The following CLEC16A variants were observed in gnomAD, a reference collection of about 807,000 sequenced individuals.
CLEC16A encodes protein CLEC16A.
CLEC16A carries 51 observed loss-of-function variants against 109.5 expected under a neutral mutation model. The observed-to-expected ratio is 0.47, with a 90% confidence interval of 0.37 to 0.59. CLEC16A has a LOEUF of 0.59. Among genes scored for constraint, CLEC16A ranks in the 20% least tolerant of loss-of-function variants. CLEC16A has a pLI of 0.00. For missense variants in CLEC16A, 1,339 were observed against 1,394.0 expected, an observed-to-expected ratio of 0.96 and a Z score of 0.63; for synonymous variants, 673 against 564.2, an observed-to-expected ratio of 1.19 and a Z score of -2.73.
intron 11 of CLEC16A, among the ~76,000 whole-genome samples, chr16:11,010,949 C>T (rs1477858127): frequency 6.6e-6 from 1 of 152,166 alleles, no homozygotes; most frequent in African/African-American, 2.4e-5. Flanking sequence ...TGAGATTATG[C>T]GTTCTTGGCT....
intron 22 of CLEC16A, chr16:11,157,059 A>AT (rs1474601759): frequency 7.7e-7 from 1 of 1,302,388 alleles, no homozygotes; most frequent in Non-Finnish European, 1.0e-6. Flanking sequence ...CTGAAAGACC[A>AT]TTTTTTCTTT....
chr16:11,160,224 G>C (rs1393077895), intron 22 of CLEC16A, among the ~76,000 whole-genome samples: 2 of 152,158 alleles, frequency 1.3e-5, no homozygotes, highest in African/African-American at 4.8e-5. Flanking sequence ...ACAGAGGTCG[G>C]GGGGCGTCCC....
intron 2 of CLEC16A, among the ~76,000 whole-genome samples, chr16:10,959,932 T>C (rs1810086955): frequency 6.6e-6 from 1 of 152,084 alleles, no homozygotes; most frequent in African/African-American, 2.4e-5. Context: ...CGTGTCATTC[T>C]AGGTCCCAAG....
chr16:11,023,756 G>A (rs1323898567), intron 12 of CLEC16A, among the ~76,000 whole-genome samples: 1 of 152,166 alleles, frequency 6.6e-6, no homozygotes, highest in East Asian at 1.9e-4. Context: ...GGCATCCAAT[G>A]TTCATTGGAG....
In CLEC16A at chr16:11,042,285, G is replaced by C. The variant is rs1266445826; in HGVS notation, c.1692G>C (p.Leu564=). Residue 564 remains leucine, a synonymous_variant, in exon 15 of 24, where the codon CTG becomes CTC. Coordinates refer to ENST00000409790, the MANE Select transcript of CLEC16A (RefSeq NM_015226.3). Reference sequence around the variant, plus strand: ...AGATCCGGCTGGCGACGCTGGAGCTGAGCTGCCTGCTTCTGAAGCAGCAAG... The same window carrying C: ...AGATCCGGCTGGCGACGCTGGAGCTCAGCTGCCTGCTTCTGAAGCAGCAAG... ...DGKIRLATLE[L]SCLLLKQQVL... The C allele has an allele frequency of 1.3e-6, 2 of 1,588,942 alleles. No individual in the cohort carries two copies. Among genetic ancestry groups the C allele is most frequent in the Non-Finnish European group, 1.7e-6 (2 of 1,168,074 alleles).
At chr16:11,171,312 C>G (rs950752837) in intron 23 of CLEC16A, among the ~76,000 whole-genome samples, 3 of 152,218 alleles carry the variant, frequency 2.0e-5, no homozygotes, top group Non-Finnish European at 4.4e-5. Flanking sequence ...CCTTCGCACG[C>G]CAGAGGCAGA....
rs78145359 is a variant in CLEC16A at position 11,051,267 on chromosome 16, A to G, written c.1867-246A>G. Among the ~76,000 whole-genome samples, 11 of 152,336 alleles carry G rather than the reference A, an allele frequency of 7.2e-5. No homozygotes were observed. The East Asian group carries it at 2.1e-3, about 29-fold the overall frequency. ...GCAAGCTTTTCACAGCAAGGATGCAACTTCTCAAGAGTCTGAGCTGCTGCT... is the reference window on the plus strand; with the variant it reads ...GCAAGCTTTTCACAGCAAGGATGCAGCTTCTCAAGAGTCTGAGCTGCTGCT... On this transcript the variant is annotated intron_variant, in intron 17 of 23. Transcript: ENST00000409790.
At chr16:11,099,129 G>T (rs1011012357) in intron 19 of CLEC16A, among the ~76,000 whole-genome samples, 1 of 152,054 alleles carries the variant, frequency 6.6e-6, no homozygotes, top group African/African-American at 2.4e-5. Context: ...TGGCCAGAGC[G>T]CCCCATTCCT....
chr16:11,165,063 T>C (rs192321754), intron 22 of CLEC16A, among the ~76,000 whole-genome samples: 115 of 152,278 alleles, frequency 7.6e-4, no homozygotes, highest in African/African-American at 2.6e-3. Flanking sequence ...TTGGGGCTGC[T>C]TCTGTGCCAC....
chr16:11,065,085 A>G (rs557865970), intron 19 of CLEC16A, among the ~76,000 whole-genome samples: 38 of 152,326 alleles, frequency 2.5e-4, no homozygotes, highest in African/African-American at 8.2e-4. Flanking sequence ...CTTTGGCCAG[A>G]GGAAGGGAGC....
rs1282822729 is a variant in CLEC16A at position 11,109,166 on chromosome 16, TGA to T, written c.2117-11448_2117-11447del. 4.4e-5 allele frequency among the ~76,000 whole-genome samples: 6 copies of T among 135,822 alleles called. No individual in the cohort carries two copies. The South Asian group carries it at 1.3e-3, about 29-fold the overall frequency. 89.1% of individuals were successfully genotyped at this position (135,822 alleles called of 152,430 possible). The stretch of plus-strand genomic sequence containing the variant: ...CAGGGGCCTTGATTCAAAACAGCCC[TGA>T]CTTTTTTTTTTTTATTAGATGGAGT... On this transcript the variant is annotated intron_variant, in intron 19 of 23. Coordinates refer to ENST00000409790, the MANE Select transcript of CLEC16A (RefSeq NM_015226.3).
At chr16:11,119,306 A>G (rs559560848) in intron 19 of CLEC16A, among the ~76,000 whole-genome samples, 21 of 151,978 alleles carry the variant, frequency 1.4e-4, no homozygotes, top group African/African-American at 4.1e-4. Flanking sequence ...CCCAGCCTAT[A>G]TGTCTATTTT....
intron 22 of CLEC16A, chr16:11,157,003 A>G: frequency 8.1e-7 from 1 of 1,230,306 alleles, no homozygotes. Flanking sequence ...CCGACAGCAA[A>G]AACATTTCTA....
At chr16:11,166,705 C>T (rs1012229880) in intron 23 of CLEC16A, among the ~76,000 whole-genome samples, 153 bp downstream of exon 23, 1 of 152,200 alleles carries the variant, frequency 6.6e-6, no homozygotes, top group African/African-American at 2.4e-5. Context: ...TCTAGAGATT[C>T]CTCTAACTTG....
chr16:10,970,927 T>C (rs900009203), intron 4 of CLEC16A, among the ~76,000 whole-genome samples, 198 bp from the exon 5 acceptor site: 9 of 147,186 alleles, frequency 6.1e-5, no homozygotes, highest in African/African-American at 2.3e-4. Context: ...CTCTTCTGTT[T>C]CTTCCATGGC....
intron 19 of CLEC16A, 133 bp from the exon 20 acceptor site, chr16:11,120,482 G>T: frequency 1.1e-6 from 1 of 887,772 alleles, no homozygotes. Flanking sequence ...CTCAGACCTA[G>T]GTCTGTGTGA....
chr16:10,979,867 G>A (rs2146632621), intron 9 of CLEC16A, among the ~76,000 whole-genome samples: 1 of 152,282 alleles, frequency 6.6e-6, no homozygotes. Context: ...AAGGAATCTT[G>A]TAGCAACCTT....
chr16:11,122,681 C>CTT (rs1203117474), intron 20 of CLEC16A, among the ~76,000 whole-genome samples: 1 of 152,152 alleles, frequency 6.6e-6, no homozygotes, highest in African/African-American at 2.4e-5. Flanking sequence ...TTGTCCCCAC[C>CTT]TCCTTTAACA....
chr16:10,998,813 G>A (rs1400277198), intron 10 of CLEC16A, among the ~76,000 whole-genome samples: 2 of 152,094 alleles, frequency 1.3e-5, no homozygotes, highest in Non-Finnish European at 2.9e-5. Flanking sequence ...GCACAGTGGC[G>A]AGAGGAGGGA....
Sources: gnomAD v4.1 joint callset for allele counts (sites outside exome capture counted in the v4.1 genomes callset) on GRCh38, gnomAD v4.1.1 for gene constraint, MANE v1.5 for transcripts, NCBI Gene and HGNC (gene_info 2026-07-23, HGNC 2026-07-21) for gene names.